The following LYPLAL1 variants were observed in gnomAD, a reference collection of about 807,000 sequenced individuals.
LYPLAL1 encodes lysophospholipase-like protein 1.
Under a neutral mutation model 19.7 loss-of-function variants are expected in LYPLAL1, and 23 were observed. The ratio of observed to expected loss-of-function variants is 1.17; its 90% CI spans 0.84 to 1.65. The LOEUF is 1.65. Ranked by LOEUF, LYPLAL1 falls within the 40% of genes most tolerant of loss-of-function variation. The pLI, the probability that LYPLAL1 is intolerant of heterozygous loss-of-function variation, is 0.00. For synonymous variants in LYPLAL1, 119 were observed against 96.3 expected, an observed-to-expected ratio of 1.24 and a Z score of -1.38; for missense variants, 355 against 279.4, an observed-to-expected ratio of 1.27 and a Z score of -1.93.
the LYPLAL1 span, among the ~76,000 whole-genome samples, chr1:219,287,227 C>T: frequency 2.4e-4 from 37 of 152,254 alleles, no homozygotes; most frequent in African/African-American, 8.4e-4. Flanking sequence ...ACTTGCTGCC[C>T]AGACTTCTTA....
At chr1:219,229,335 G>C in the LYPLAL1 span, among the ~76,000 whole-genome samples, 5 of 107,620 alleles carry the variant, frequency 4.6e-5, no homozygotes, top group Admixed American at 3.9e-4. Flanking sequence ...GAGAGAGAGA[G>C]AGACACGCAG....
chr1:219,409,042 C>G, the LYPLAL1 span, among the ~76,000 whole-genome samples: 2 of 152,106 alleles, frequency 1.3e-5, no homozygotes, highest in Non-Finnish European at 2.9e-5. Context: ...ACAGAAATGA[C>G]TTAGAAGTAT....
the LYPLAL1 span, among the ~76,000 whole-genome samples, chr1:219,266,470 A>G: frequency 6.6e-6 from 1 of 152,182 alleles, no homozygotes; most frequent in African/African-American, 2.4e-5. Flanking sequence ...TCTGTAATAC[A>G]TCCTAAAGGA....
chr1:219,212,545 A>G lies in LYPLAL1; in HGVS notation c.*817A>G, dbSNP rs1280402683. 6.6e-6 allele frequency: 1 copy of G among 152,050 alleles called. No homozygotes were observed. The highest frequency in any genetic ancestry group is 1.5e-5 in the Non-Finnish European group (1 of 67,954). 9.4% of individuals were successfully genotyped at this position (152,050 alleles called of 1,614,324 possible). On this transcript the variant is annotated 3_prime_UTR_variant, in exon 5 of 5. Coordinates refer to ENST00000366928, the MANE Select transcript of LYPLAL1 (RefSeq NM_138794.5). The stretch of plus-strand genomic sequence containing the variant: ...TACTTCAATGAAAATACTATAAATA[A>G]TAACATTTTCATATATTAGTTGGTT...
the LYPLAL1 span, among the ~76,000 whole-genome samples, chr1:219,364,017 A>AGG: frequency 6.6e-6 from 1 of 152,166 alleles, no homozygotes; most frequent in Non-Finnish European, 1.5e-5. Context: ...CCACTTAAAA[A>AGG]AGAAAGAAAG....
At chr1:219,214,493 C>G (rs1387641683), downstream of LYPLAL1, among the ~76,000 whole-genome samples, 1 of 151,976 alleles carries the variant, frequency 6.6e-6, no homozygotes, top group African/African-American at 2.4e-5. Context: ...GTGAAATCAT[C>G]TGGGCCCAGA....
chr1:219,235,153 A>G, the LYPLAL1 span, among the ~76,000 whole-genome samples: 40 of 152,194 alleles, frequency 2.6e-4, no homozygotes, highest in African/African-American at 9.4e-4. Flanking sequence ...TTGGGGCTTG[A>G]CTGCAGAACA....
At chr1:219,388,516 ACTGT>A in the LYPLAL1 span, among the ~76,000 whole-genome samples, 3 of 152,128 alleles carry the variant, frequency 2.0e-5, no homozygotes, top group African/African-American at 7.2e-5. Flanking sequence ...GAGAGAGAGG[ACTGT>A]CTATCACTGG....
chr1:219,309,849 A>G, the LYPLAL1 span, among the ~76,000 whole-genome samples: 1 of 152,182 alleles, frequency 6.6e-6, no homozygotes, highest in Non-Finnish European at 1.5e-5. Context: ...CTTATATCTT[A>G]GCTTGTTAGA....
chr1:219,216,726 CTCTGTG>C (rs1659302912), downstream of LYPLAL1, among the ~76,000 whole-genome samples: 1 of 152,036 alleles, frequency 6.6e-6, no homozygotes, highest in Non-Finnish European at 1.5e-5. Context: ...CAGTACTCTA[CTCTGTG>C]AACTCTAAGC....
the LYPLAL1 span, among the ~76,000 whole-genome samples, chr1:219,281,188 A>G: frequency 1.3e-5 from 2 of 152,242 alleles, no homozygotes; most frequent in East Asian, 3.8e-4. Flanking sequence ...TTCATAGAAC[A>G]CTATGTAGAA....
At chr1:219,439,013 G>A in the LYPLAL1 span, among the ~76,000 whole-genome samples, 3,608 of 152,104 alleles carry the variant, frequency 0.024, 58 homozygotes, top group Middle Eastern at 0.075. Context: ...CATCCTGCAC[G>A]TTCCTTCAAC....
At chr1:219,434,593 A>G in the LYPLAL1 span, among the ~76,000 whole-genome samples, 14 of 152,242 alleles carry the variant, frequency 9.2e-5, no homozygotes, top group African/African-American at 3.1e-4. Flanking sequence ...TTCCTGGCCC[A>G]AGACTTATGC....
chr1:219,177,229 T>C (rs1236770000), intron 1 of LYPLAL1, among the ~76,000 whole-genome samples: 1 of 152,080 alleles, frequency 6.6e-6, no homozygotes, highest in Non-Finnish European at 1.5e-5. Context: ...TAGGAAGGGA[T>C]ATCCAAGAGG....
chr1:219,338,344 G>A, the LYPLAL1 span, among the ~76,000 whole-genome samples: 3 of 151,942 alleles, frequency 2.0e-5, no homozygotes, highest in African/African-American at 2.4e-5. Context: ...CCTGAATTCC[G>A]ATAATGTTAT....
intron 1 of LYPLAL1, among the ~76,000 whole-genome samples, chr1:219,177,558 C>T (rs904291107): frequency 3.3e-5 from 5 of 152,150 alleles, no homozygotes; most frequent in African/African-American, 1.2e-4. Flanking sequence ...CCTGTCTAGG[C>T]AGGTGTCTAG....
chr1:219,399,259 G>A, the LYPLAL1 span, among the ~76,000 whole-genome samples: 1,754 of 152,262 alleles, frequency 0.012, 38 homozygotes, highest in African/African-American at 0.039. Flanking sequence ...AGGTCTGTGT[G>A]CATTCTCAGT....
the LYPLAL1 span, among the ~76,000 whole-genome samples, chr1:219,248,376 A>G: frequency 6.6e-6 from 1 of 152,162 alleles, no homozygotes; most frequent in African/African-American, 2.4e-5. Flanking sequence ...ATTTTAAAAT[A>G]GAAATTAGCA....
downstream of LYPLAL1, among the ~76,000 whole-genome samples, chr1:219,216,075 A>C (rs1173386752): frequency 1.3e-5 from 2 of 151,796 alleles, no homozygotes; most frequent in Non-Finnish European, 2.9e-5. Flanking sequence ...TTGATCTTTT[A>C]TTCTAAAATG....
Sources: gnomAD v4.1 joint callset for allele counts (sites outside exome capture counted in the v4.1 genomes callset) on GRCh38, gnomAD v4.1.1 for gene constraint, MANE v1.5 for transcripts, NCBI Gene and HGNC (gene_info 2026-07-23, HGNC 2026-07-21) for gene names.